Variants in DST observed in about 807,000 individuals in gnomAD.
DST encodes the protein bullous pemphigoid antigen.
Under a neutral mutation model 875.2 loss-of-function variants are expected in DST, and 253 were observed. That is an observed-to-expected ratio of 0.29 (90% CI 0.26 to 0.32). The LOEUF (loss-of-function observed/expected upper bound fraction) is 0.32. DST is among the 10% of genes least tolerant of loss of function. The probability of loss-of-function intolerance (pLI) is 1.00; values close to 1 mark genes in which losing one functional copy is unlikely to be tolerated. For synonymous variants in DST, 3,124 were observed against 3,197.1 expected (o/e 0.98, Z 0.77); for missense variants, 8,287 against 9,111.6 (o/e 0.91, Z 3.68).
intron 61 of DST, among the ~76,000 whole-genome samples, chr6:56,539,979 A>T (rs184279954): frequency 2.0e-5 from 3 of 152,328 alleles, no homozygotes. Context: ...CCTAACATTA[A>T]CATATATTCA....
At chr6:56,762,909 G>A (rs1489414690) in intron 4 of DST, among the ~76,000 whole-genome samples, 2 of 144,072 alleles carry the variant, frequency 1.4e-5, no homozygotes, top group Admixed American at 1.5e-4. Context: ...GGAGTGCAAC[G>A]GCGTGATCTC....
chr6:56,649,449 C>T (rs767371057), intron 12 of DST, among the ~76,000 whole-genome samples: 2 of 152,076 alleles, frequency 1.3e-5, no homozygotes, highest in African/African-American at 4.8e-5. Flanking sequence ...ATAACTAAAA[C>T]GGGTAGTACA....
At chr6:56,659,992 C>CA (rs34178638) in intron 10 of DST, among the ~76,000 whole-genome samples, 1 of 151,792 alleles carries the variant, frequency 6.6e-6, no homozygotes, top group Non-Finnish European at 1.5e-5. Context: ...TCTTTGGTAG[C>CA]AAAAAAGACT....
At chr6:56,693,558 G>C (rs1172115430) in intron 9 of DST, 1 of 248,254 alleles carries the variant, frequency 4.0e-6, no homozygotes. Context: ...AAACTATTTG[G>C]TGGTTCAACG....
chr6:56,517,679 C>T, intron 69 of DST, 59 bp from the exon 70 acceptor site: 5 of 1,550,030 alleles, frequency 3.2e-6, no homozygotes, highest in South Asian at 1.2e-5. Flanking sequence ...CAGAAAATAC[C>T]TATCTACAGT....
At chr6:56,692,561 C>T (rs2099237900) in intron 9 of DST, 4 of 1,289,482 alleles carry the variant, frequency 3.1e-6, no homozygotes, top group African/African-American at 1.5e-5. Context: ...CCACTTTTTT[C>T]GAGTGATCTT....
chr6:56,467,845 G>C (rs2094662602), intron 98 of DST, among the ~76,000 whole-genome samples: 1 of 152,116 alleles, frequency 6.6e-6, no homozygotes, highest in Non-Finnish European at 1.5e-5. Context: ...GTTGCTGACT[G>C]TGCTTTCAGT....
intron 2 of DST, among the ~76,000 whole-genome samples, chr6:56,901,173 G>A (rs9475746): frequency 0.04 from 6,147 of 152,258 alleles, 395 homozygotes; most frequent in African/African-American, 0.14. Context: ...AGATGGGCCC[G>A]GGTCCAAATG....
At chr6:56,533,121 G>C (rs2096926425) in intron 63 of DST, among the ~76,000 whole-genome samples, 1 of 152,174 alleles carries the variant, frequency 6.6e-6, no homozygotes, top group Non-Finnish European at 1.5e-5. Context: ...CAGGAAGAGA[G>C]GGTAGAAGAT....
At chr6:56,879,961 A>AGT (rs976164170) in intron 3 of DST, among the ~76,000 whole-genome samples, 4 of 152,274 alleles carry the variant, frequency 2.6e-5, no homozygotes, top group African/African-American at 4.8e-5. Flanking sequence ...GGCCTAGCCC[A>AGT]TTACTAAAGT....
At chr6:56,822,811 ATTTT>A (rs914850679) in intron 4 of DST, among the ~76,000 whole-genome samples, 1 of 151,272 alleles carries the variant, frequency 6.6e-6, no homozygotes, top group African/African-American at 2.4e-5. Flanking sequence ...TTATTTATTT[ATTTT>A]TATTTTATTT....
chr6:56,677,231 G>A (rs1563624362), intron 9 of DST, among the ~76,000 whole-genome samples: 2 of 152,194 alleles, frequency 1.3e-5, no homozygotes, highest in East Asian at 3.9e-4. Context: ...CCGCCACATA[G>A]AAAATTCTAC....
chr6:56,779,005 G>T (rs188955831), intron 4 of DST, among the ~76,000 whole-genome samples: 3 of 152,042 alleles, frequency 2.0e-5, no homozygotes, highest in African/African-American at 7.3e-5. Context: ...CACCAATAGC[G>T]TAAAAGTGTT....
intron 77 of DST, among the ~76,000 whole-genome samples, chr6:56,505,575 C>A (rs2096282830): frequency 6.6e-6 from 1 of 151,626 alleles, no homozygotes; most frequent in South Asian, 2.1e-4. Context: ...AACTTCTCAG[C>A]TGGCATAAAG....
chr6:56,509,678 T>C lies in DST; in HGVS notation c.18976A>G (p.Arg6326Gly). 1 of 1,613,684 alleles carries C rather than the reference T, an allele frequency of 6.2e-7. No individual in the cohort carries two copies. The highest frequency in any genetic ancestry group is 1.1e-5 in the South Asian group (1 of 91,068). The stretch of plus-strand genomic sequence containing the variant: ...ATGTCTTTATCAGTCCCCCCAGATC[T>C]AGCAATCATTTCCTCTCCCCTCTGT... ...LKQRGEEMIA[R>G]SGGTDKDISA... The change falls in exon 74 of 104, where the codon AGA becomes GGA. Residue 6326 changes from arginine to glycine, a missense_variant. Transcript: ENST00000680361.
At chr6:56,848,982 T>G (rs144343588) in intron 4 of DST, among the ~76,000 whole-genome samples, 5,241 of 151,932 alleles carry the variant, frequency 0.034, 293 homozygotes, top group African/African-American at 0.12. Flanking sequence ...GAGGTTGCAG[T>G]GAGCCAAGAT....
rs1269170517 is a variant in DST, at chr6:56,501,552, C to T, written c.19708G>A (p.Asp6570Asn). The T allele has an allele frequency of 1.9e-6, 3 of 1,601,058 alleles. No homozygotes were observed. Among genetic ancestry groups the T allele is most frequent in the Non-Finnish European group, 2.6e-6 (3 of 1,173,368 alleles). The change falls in exon 79 of 104, where the codon GAT becomes AAT. Residue 6570 changes from aspartate (D) to asparagine (N), a missense_variant. Physicochemically the swap from Asp to Asn is conservative, Grantham distance 23. Coordinates refer to ENST00000680361, the MANE Select transcript of DST (RefSeq NM_001374736.1). ...TTGATGATTCTCTCCTCCAGGCTAT[C>T]CCATATCAATTTCAGTTCCATTAAT... The part of the protein sequence containing the change: ...DPLMELKLIW[D>N]SLEERIINRQ...
intron 4 of DST, among the ~76,000 whole-genome samples, chr6:56,753,186 G>A (rs2099592934): frequency 6.6e-6 from 1 of 152,154 alleles, no homozygotes; most frequent in Non-Finnish European, 1.5e-5. Flanking sequence ...AGGCATAACT[G>A]TGAGAGTGGA....
intron 2 of DST, among the ~76,000 whole-genome samples, chr6:56,947,439 G>A (rs1325633135): frequency 2.6e-5 from 4 of 151,756 alleles, no homozygotes; most frequent in East Asian, 2.0e-4. Flanking sequence ...TAGTAAAGAC[G>A]GGGTTTCACC....
Sources: allele counts gnomAD v4.1 joint callset (sites outside exome capture counted in the v4.1 genomes callset), GRCh38; gene constraint gnomAD v4.1.1; transcripts MANE v1.5; gene names NCBI Gene and HGNC (gene_info 2026-07-23, HGNC 2026-07-21).